CRPPA: variants seen among roughly 807,000 people sequenced by gnomAD.
The protein encoded by CRPPA is D-ribitol-5-phosphate cytidylyltransferase.
CRPPA carries 43 observed loss-of-function variants against 52.0 expected under a neutral mutation model. The observed-to-expected ratio is 0.83, with a 90% CI of 0.65 to 1.07. The LOEUF is 1.07. Among genes scored for constraint, CRPPA ranks in the 50% least tolerant of loss-of-function variants. The pLI, the probability that CRPPA is intolerant of heterozygous loss-of-function variation, is 0.00. For missense variants in CRPPA, 629 were observed against 551.7 expected, an observed-to-expected ratio of 1.14 and a Z score of -1.40; for synonymous variants, 250 against 203.5, an observed-to-expected ratio of 1.23 and a Z score of -1.94.
chr7:16,325,998 C>T (rs534058156), intron 3 of CRPPA, among the ~76,000 whole-genome samples: 16 of 150,610 alleles, frequency 1.1e-4, no homozygotes, highest in Non-Finnish European at 1.6e-4. Context: ...TCTAGTAATA[C>T]GCTTTATTAA....
intron 9 of CRPPA, among the ~76,000 whole-genome samples, chr7:16,212,018 G>A (rs1313252186): frequency 6.6e-6 from 1 of 152,024 alleles, no homozygotes; most frequent in Admixed American, 6.6e-5. Context: ...CTATTTTGGA[G>A]ATTTTTATAA....
intron 1 of CRPPA, 69 bp from the exon 2 acceptor site, chr7:16,406,406 GA>G: frequency 1.5e-6 from 2 of 1,331,636 alleles, no homozygotes; most frequent in South Asian, 1.3e-5. Flanking sequence ...ACAGAAAATT[GA>G]ATCACTAGTA....
intron 3 of CRPPA, among the ~76,000 whole-genome samples, chr7:16,335,154 CAAAAAAAAA>C (rs60632334): frequency 1.4e-4 from 13 of 93,802 alleles, no homozygotes; most frequent in Non-Finnish European, 1.8e-4. Context: ...CCCATCTCTA[CAAAAAAAAA>C]AAAAAAAAAA....
At chr7:16,107,130 A>G (rs1347530276) in intron 9 of CRPPA, among the ~76,000 whole-genome samples, 1 of 152,092 alleles carries the variant, frequency 6.6e-6, no homozygotes, top group East Asian at 1.9e-4. Flanking sequence ...GACAGCAGCA[A>G]AGGACCGAAC....
At chr7:16,250,300 G>A (rs753329929) in intron 8 of CRPPA, among the ~76,000 whole-genome samples, 1 of 152,182 alleles carries the variant, frequency 6.6e-6, no homozygotes, top group Non-Finnish European at 1.5e-5. Context: ...AAAACACTCT[G>A]CAGGATATTA....
At chr7:16,291,787 A>G (rs1052731739) in intron 5 of CRPPA, among the ~76,000 whole-genome samples, 3 of 151,950 alleles carry the variant, frequency 2.0e-5, no homozygotes, top group Non-Finnish European at 4.4e-5. Flanking sequence ...GATACCCTCA[A>G]TACCCTGATT....
At chr7:16,121,962 G>A (rs754349499) in intron 9 of CRPPA, among the ~76,000 whole-genome samples, 12 of 152,002 alleles carry the variant, frequency 7.9e-5, no homozygotes, top group Admixed American at 3.9e-4. Flanking sequence ...CATAGGAAAC[G>A]CTAAGGAACA....
chr7:16,207,711 G>A (rs1024250751), intron 9 of CRPPA, among the ~76,000 whole-genome samples: 1 of 152,272 alleles, frequency 6.6e-6, no homozygotes, highest in South Asian at 2.1e-4. Context: ...TATTTGTCAT[G>A]CCATTATTTC....
intron 8 of CRPPA, among the ~76,000 whole-genome samples, chr7:16,233,046 T>C (rs1282262032): frequency 6.6e-6 from 1 of 152,096 alleles, no homozygotes; most frequent in East Asian, 1.9e-4. Context: ...ACATGTGATA[T>C]TTTTAAAACC....
rs372433063 is a variant in CRPPA, at chr7:16,273,931, G to C, written c.933+4198C>G. Among the ~76,000 whole-genome samples the C allele has an allele frequency of 2.6e-5, 4 of 152,286 alleles. No homozygotes were observed. In the East Asian group the frequency reaches 7.7e-4, roughly 29 times the overall value. ...TGTCCCATGAGAGGTGGAGAGCTGT[G>C]GGCTGATTAAATGAGCCAACCCCTT... On this transcript the variant is annotated intron_variant, in intron 6 of 9. Transcript: ENST00000407010.
intron 9 of CRPPA, among the ~76,000 whole-genome samples, chr7:16,174,232 T>C (rs1781248770): frequency 6.6e-6 from 1 of 152,150 alleles, no homozygotes; most frequent in African/African-American, 2.4e-5. Flanking sequence ...AACTCAGAAC[T>C]GGGCTCTAGA....
intron 6 of CRPPA, chr7:16,270,447 G>A (rs1163240502): frequency 6.6e-6 from 1 of 152,072 alleles, no homozygotes; most frequent in African/African-American, 2.4e-5. Context: ...ATGACAATCA[G>A]TTATTAATAT....
intron 9 of CRPPA, among the ~76,000 whole-genome samples, chr7:16,098,979 A>T (rs768232723): frequency 6.6e-6 from 1 of 152,228 alleles, no homozygotes; most frequent in Non-Finnish European, 1.5e-5. Flanking sequence ...GGGTTTACTG[A>T]TTAACATAAT....
At chr7:16,218,472 C>T (rs1258176090) in intron 8 of CRPPA, among the ~76,000 whole-genome samples, 1 of 90,196 alleles carries the variant, frequency 1.1e-5, no homozygotes, top group South Asian at 4.5e-4. Context: ...GGACTAAATG[C>T]TCCAATTAAA....
At chr7:16,259,508 T>G (rs1379842189) in intron 6 of CRPPA, among the ~76,000 whole-genome samples, 1 of 151,984 alleles carries the variant, frequency 6.6e-6, no homozygotes, top group Non-Finnish European at 1.5e-5. Context: ...CTACACAAAC[T>G]ATTCCTAAAA....
chr7:16,097,494 T>G (rs2128362745), intron 9 of CRPPA, among the ~76,000 whole-genome samples: 1 of 152,320 alleles, frequency 6.6e-6, no homozygotes, highest in African/African-American at 2.4e-5. Flanking sequence ...AAATACACCA[T>G]GTTTGGGTGA....
chr7:16,248,365 T>C (rs369687961), intron 8 of CRPPA, among the ~76,000 whole-genome samples: 1 of 152,028 alleles, frequency 6.6e-6, no homozygotes, highest in South Asian at 2.1e-4. Flanking sequence ...AGAGCCTATG[T>C]GCCTGTCTTT....
At chr7:16,392,364 A>T (rs1787467673) in intron 2 of CRPPA, among the ~76,000 whole-genome samples, 1 of 152,174 alleles carries the variant, frequency 6.6e-6, no homozygotes, top group Non-Finnish European at 1.5e-5. Context: ...CATCCATCTC[A>T]GTAGAGCGCA....
intron 9 of CRPPA, among the ~76,000 whole-genome samples, chr7:16,155,449 C>A (rs1045460711): frequency 2.6e-5 from 4 of 152,100 alleles, no homozygotes; most frequent in African/African-American, 4.8e-5. Context: ...CAAGTTACAC[C>A]GAGTGAACTC....
Sources: gnomAD v4.1 joint callset for allele counts (sites outside exome capture counted in the v4.1 genomes callset) on GRCh38, gnomAD v4.1.1 for gene constraint, MANE v1.5 for transcripts, NCBI Gene and HGNC (gene_info 2026-07-23, HGNC 2026-07-21) for gene names.